Variants in TLK1 observed in about 807,000 individuals in gnomAD.
TLK1 encodes the protein tousled like kinase 1, also known as serine/threonine-protein kinase tousled-like 1.
Under a neutral mutation model 105.3 loss-of-function variants are expected in TLK1, and 24 were observed. The observed-to-expected ratio is 0.23, with a 90% CI of 0.17 to 0.32. The LOEUF is 0.32. TLK1 is among the 10% of genes least tolerant of loss of function. The probability of loss-of-function intolerance (pLI) is 1.00; values close to 1 mark genes in which losing one functional copy is unlikely to be tolerated. For missense variants in TLK1, 558 were observed against 910.5 expected, an observed-to-expected ratio of 0.61 and a Z score of 4.98; for synonymous variants, 321 against 310.4, an observed-to-expected ratio of 1.03 and a Z score of -0.36.
intron 3 of TLK1, among the ~76,000 whole-genome samples, chr2:171,061,574 G>A (rs1687751345): frequency 6.6e-6 from 1 of 152,128 alleles, no homozygotes; most frequent in Admixed American, 6.5e-5. Flanking sequence ...AAACTTGGAT[G>A]AGAAAAAAGG....
intron 1 of TLK1, among the ~76,000 whole-genome samples, chr2:171,185,048 C>G (rs183423061): frequency 1.1e-4 from 16 of 152,132 alleles, no homozygotes; most frequent in Non-Finnish European, 2.9e-5. Flanking sequence ...ACCATGTTAG[C>G]CAGGATGGTC....
intron 1 of TLK1, among the ~76,000 whole-genome samples, chr2:171,158,229 CT>C (rs1452947778): frequency 2.0e-5 from 3 of 152,138 alleles, no homozygotes; most frequent in African/African-American, 7.2e-5. Context: ...AAATATCCCC[CT>C]GTAGCTATAC....
intron 1 of TLK1, among the ~76,000 whole-genome samples, chr2:171,192,327 C>T (rs563635091): frequency 9.2e-5 from 14 of 152,192 alleles, no homozygotes; most frequent in East Asian, 3.9e-4. Context: ...CCGGGACTGA[C>T]GATTATTATT....
intron 1 of TLK1, among the ~76,000 whole-genome samples, chr2:171,120,044 C>T (rs936860250): frequency 7.9e-5 from 12 of 151,820 alleles, no homozygotes; most frequent in Non-Finnish European, 1.6e-4. Flanking sequence ...GTCAGCAGTT[C>T]GAGACTAGCC....
At chr2:171,188,883 A>G (rs1005861840) in intron 1 of TLK1, among the ~76,000 whole-genome samples, 15 of 152,000 alleles carry the variant, frequency 9.9e-5, no homozygotes, top group African/African-American at 3.6e-4. Context: ...TAAAAAAAAA[A>G]AAAAAAGATT....
intron 17 of TLK1, 81 bp from the exon 18 acceptor site, chr2:171,006,363 T>C (rs1684653754): frequency 3.4e-6 from 5 of 1,475,614 alleles, no homozygotes; most frequent in Non-Finnish European, 4.5e-6. Context: ...TACTAGTATT[T>C]TACTGATGTC....
At chr2:171,021,472 G>A (rs1352574270) in intron 12 of TLK1, among the ~76,000 whole-genome samples, 1 of 75,902 alleles carries the variant, frequency 1.3e-5, no homozygotes, top group Admixed American at 1.8e-4. Flanking sequence ...TTTTTTTTTG[G>A]TAGAGACAAG....
In TLK1 at chr2:171,185,647, G is replaced by A. The variant is rs544914526; in HGVS notation, c.-6+45498C>T. Among the ~76,000 whole-genome samples the A allele has an allele frequency of 4.6e-5, 7 of 152,242 alleles. No individual in the cohort carries two copies. The South Asian group carries it at 6.2e-4, about 14-fold the overall frequency. ...CTCAGATAAAGCACCAACTTCCTGC[G>A]GCAAACTGTCCATATTCTTTGCTGT... On this transcript the variant is annotated intron_variant, in intron 1 of 20. Transcript: ENST00000521943.
chr2:171,224,577 C>T lies in TLK1; in HGVS notation c.-6+6568G>A, dbSNP rs1409681376. 2.0e-5 allele frequency among the ~76,000 whole-genome samples: 3 copies of T among 152,184 alleles called. No individual in the cohort carries two copies. The South Asian group carries it at 6.2e-4, about 32-fold the overall frequency. Reference sequence around the variant, plus strand: ...ACTACTAAATAAATGGACAGATATCCCATGTTCATGGATCTGAAGTCTTAA... The same window carrying T: ...ACTACTAAATAAATGGACAGATATCTCATGTTCATGGATCTGAAGTCTTAA... On this transcript the variant is annotated intron_variant, in intron 1 of 20. Transcript: ENST00000521943.
At chr2:171,033,722 AAGT>A (rs1044749469) in intron 11 of TLK1, among the ~76,000 whole-genome samples, 3 of 150,168 alleles carry the variant, frequency 2.0e-5, no homozygotes, top group Middle Eastern at 3.4e-3. Context: ...TTGCCACTGA[AAGT>A]AGGCAAACAC....
rs1268632712 is a variant in TLK1 at position 171,046,227 on chromosome 2, T to C, written c.1116A>G (p.Lys372=). 4 of 1,612,996 alleles carry C rather than the reference T, an allele frequency of 2.5e-6. No individual in the cohort carries two copies. The highest frequency in any genetic ancestry group is 3.4e-6 in the Non-Finnish European group (4 of 1,179,534). The change falls in exon 11 of 21, where the codon AAA becomes AAG. Residue 372 remains lysine, a synonymous_variant. Coordinates refer to ENST00000431350, the MANE Select transcript of TLK1 (RefSeq NM_012290.5). The part of the protein sequence containing the change: ...TNSEPKQRKN[K]AVNGAENDPF... Reference sequence around the variant, plus strand: ...GATCATTCTCTGCTCCATTGACTGCTTTGTTTTTCCTTTGTTTTGGTTCAG... The same window carrying C: ...GATCATTCTCTGCTCCATTGACTGCCTTGTTTTTCCTTTGTTTTGGTTCAG...
chr2:171,126,312 A>T (rs1172861255), intron 1 of TLK1, among the ~76,000 whole-genome samples: 1 of 152,146 alleles, frequency 6.6e-6, no homozygotes, highest in East Asian at 1.9e-4. Flanking sequence ...TTAGTTTGTC[A>T]TGTTTCATTT....
chr2:171,231,058 T>C (rs1479313795), intron 1 of TLK1: 1 of 152,232 alleles, frequency 6.6e-6, no homozygotes, highest in Non-Finnish European at 1.5e-5. Context: ...TATTAACTTT[T>C]GTTACAGCAG....
Position 171,055,148 on chromosome 2 carries a change from TAGG to T in TLK1, c.571_573del (p.Pro191del). 1 of 1,487,992 alleles carries T rather than the reference TAGG, an allele frequency of 6.7e-7. No individual in the cohort carries two copies. Among genetic ancestry groups the T allele is most frequent in the Non-Finnish European group, 8.9e-7 (1 of 1,127,994 alleles). The allele number at this position is 1,487,992 out of a possible 1,614,324, so 92.2% of individuals were successfully genotyped here. On this transcript the variant is annotated inframe_deletion, in exon 7 of 21. Transcript: ENST00000431350. ...GGGTGGTCCCCAAATGCTAATGCAG[TAGG>T]AGAAGGGCTATTCGGTCGAACCTAA...
At chr2:171,005,383 C>T (rs147672852) in intron 18 of TLK1, among the ~76,000 whole-genome samples, 1 of 152,222 alleles carries the variant, frequency 6.6e-6, no homozygotes, top group East Asian at 1.9e-4. Flanking sequence ...AAAGGGATTT[C>T]TGAAAGTCAA....
intron 3 of TLK1, among the ~76,000 whole-genome samples, chr2:171,066,059 G>A (rs777522094): frequency 2.0e-4 from 30 of 152,244 alleles, no homozygotes; most frequent in Non-Finnish European, 3.1e-4. Context: ...ATGCACATCC[G>A]AATTCAAGGA....
chr2:171,039,966 T>C lies in TLK1; in HGVS notation c.1169+6208A>G, dbSNP rs899450249. On this transcript the variant is annotated intron_variant, in intron 11 of 20. Coordinates refer to ENST00000431350, the MANE Select transcript of TLK1 (RefSeq NM_012290.5). ...AAATAAGTAAAGAGCAAAAAATAAA[T>C]AAATATGTGGATAAAGTCCATATGA... is the stretch of plus-strand genomic sequence containing the variant. Among the ~76,000 whole-genome samples, 3 of 151,966 alleles carry C rather than the reference T, an allele frequency of 2.0e-5. No homozygotes were observed. In the South Asian group the frequency reaches 6.2e-4, roughly 32 times the overall value.
chr2:171,106,094 AGGCACAGAAAGAT>A (rs1689912014), intron 2 of TLK1, among the ~76,000 whole-genome samples: 1 of 152,246 alleles, frequency 6.6e-6, no homozygotes, highest in Non-Finnish European at 1.5e-5. Flanking sequence ...GAAATTAGCC[AGGCACAGAAAGAT>A]AAATACTGCA....
At chr2:171,085,888 A>G (rs891731794) in intron 2 of TLK1, among the ~76,000 whole-genome samples, 1 of 152,206 alleles carries the variant, frequency 6.6e-6, no homozygotes, top group Non-Finnish European at 1.5e-5. Flanking sequence ...ATAGTACAGT[A>G]TTTTTAAAAC....
Sources: gnomAD v4.1 joint callset for allele counts (sites outside exome capture counted in the v4.1 genomes callset) on GRCh38, gnomAD v4.1.1 for gene constraint, MANE v1.5 for transcripts, NCBI Gene and HGNC (gene_info 2026-07-23, HGNC 2026-07-21) for gene names.